The following STX18 variants were observed in gnomAD, a reference collection of about 807,000 sequenced individuals.
The protein encoded by STX18 is syntaxin 18.
STX18 carries 40 observed loss-of-function variants against 50.1 expected under a neutral mutation model. That is an observed-to-expected ratio of 0.80 (90% confidence interval 0.62 to 1.04). The LOEUF is 1.04. Ranked by LOEUF, STX18 falls within the 50% of genes least tolerant of loss-of-function variation. The probability of loss-of-function intolerance (pLI) is 0.00; values close to 1 mark genes in which losing one functional copy is unlikely to be tolerated. For synonymous variants in STX18, 158 were observed against 151.8 expected (o/e 1.04, Z -0.30); for missense variants, 410 against 415.8 (o/e 0.99, Z 0.12).
At chr4:4,447,744 C>T (rs1419338930) in intron 5 of STX18, among the ~76,000 whole-genome samples, 1 of 151,300 alleles carries the variant, frequency 6.6e-6, no homozygotes, top group South Asian at 2.1e-4. Flanking sequence ...ATTACTACAA[C>T]GATTACACTA....
At chr4:4,500,987 A>G (rs1729428048) in intron 1 of STX18, among the ~76,000 whole-genome samples, 1 of 152,322 alleles carries the variant, frequency 6.6e-6, no homozygotes, top group African/African-American at 2.4e-5. Context: ...CAGTGAGCCG[A>G]GATGGCGCCA....
intron 1 of STX18, among the ~76,000 whole-genome samples, chr4:4,539,171 TG>T (rs571981934): frequency 7.9e-5 from 12 of 152,272 alleles, no homozygotes; most frequent in African/African-American, 2.6e-4. Context: ...AGGAATGGAA[TG>T]GAAGAATAGA....
At chr4:4,530,805 C>T (rs114711413) in intron 1 of STX18, among the ~76,000 whole-genome samples, 57 of 152,032 alleles carry the variant, frequency 3.7e-4, no homozygotes, top group African/African-American at 1.4e-3. Context: ...TGAGATTTTG[C>T]CATGTTGCCC....
chr4:4,524,793 G>T (rs1730674239), intron 1 of STX18, among the ~76,000 whole-genome samples: 1 of 152,194 alleles, frequency 6.6e-6, no homozygotes, highest in African/African-American at 2.4e-5. Context: ...GCTAATTTGT[G>T]TTGGATTCTC....
chr4:4,450,523 C>A (rs779960932), intron 5 of STX18, among the ~76,000 whole-genome samples: 4 of 152,108 alleles, frequency 2.6e-5, no homozygotes, highest in Non-Finnish European at 4.4e-5. Context: ...AGGCTGGTCC[C>A]GAACTCCCGG....
chr4:4,534,811 A>G (rs1731256840), intron 1 of STX18, among the ~76,000 whole-genome samples: 1 of 152,276 alleles, frequency 6.6e-6, no homozygotes. Flanking sequence ...CTCTGCTGCT[A>G]CAGCATGAAA....
chr4:4,524,032 C>G (rs1385118545), intron 1 of STX18, among the ~76,000 whole-genome samples: 2 of 152,128 alleles, frequency 1.3e-5, no homozygotes, highest in African/African-American at 4.8e-5. Flanking sequence ...TTATGTGCCT[C>G]TAAGTCTATT....
At chr4:4,505,562 T>C (rs1433391412) in intron 1 of STX18, among the ~76,000 whole-genome samples, 1 of 151,920 alleles carries the variant, frequency 6.6e-6, no homozygotes, top group Non-Finnish European at 1.5e-5. Context: ...GGCGGATCAC[T>C]TGAGGCCAGG....
intron 9 of STX18, among the ~76,000 whole-genome samples, chr4:4,421,386 G>C (rs532738684): frequency 2.8e-4 from 43 of 152,104 alleles, no homozygotes; most frequent in Non-Finnish European, 4.6e-4. Context: ...AAGTAGCTGG[G>C]AGTATAGGCA....
chr4:4,424,696 G>A (rs1389055122), intron 8 of STX18, among the ~76,000 whole-genome samples: 2 of 152,138 alleles, frequency 1.3e-5, no homozygotes, highest in African/African-American at 4.8e-5. Flanking sequence ...AGAGGCTAAC[G>A]GGTGCATGTG....
At chr4:4,440,835 T>C (rs1215480235) in intron 5 of STX18, among the ~76,000 whole-genome samples, 1 of 152,226 alleles carries the variant, frequency 6.6e-6, no homozygotes, top group Non-Finnish European at 1.5e-5. Flanking sequence ...ACTTAGTGCC[T>C]TGAAACAGTG....
chr4:4,525,240 T>C (rs1730696126), intron 1 of STX18, among the ~76,000 whole-genome samples: 1 of 152,206 alleles, frequency 6.6e-6, no homozygotes, highest in South Asian at 2.1e-4. Context: ...ATTTAACTTG[T>C]TGAAGGGTTA....
intron 1 of STX18, among the ~76,000 whole-genome samples, chr4:4,490,138 T>C (rs1728878319): frequency 6.6e-6 from 1 of 152,168 alleles, no homozygotes; most frequent in South Asian, 2.1e-4. Context: ...CAAATACATA[T>C]ACACTTTTAA....
intron 3 of STX18, among the ~76,000 whole-genome samples, chr4:4,458,528 C>T (rs1312534096): frequency 6.6e-6 from 1 of 152,176 alleles, no homozygotes; most frequent in East Asian, 1.9e-4. Context: ...GTGAGCACAA[C>T]AGCATCTGGC....
chr4:4,479,196 C>G (rs1423834187), intron 1 of STX18, among the ~76,000 whole-genome samples: 1 of 152,192 alleles, frequency 6.6e-6, no homozygotes, highest in African/African-American at 2.4e-5. Context: ...ATCCGATTTG[C>G]TTCTCCTAAC....
intron 1 of STX18, among the ~76,000 whole-genome samples, chr4:4,474,456 TTCCCCAGGCCCA>T: frequency 6.6e-6 from 1 of 152,274 alleles, no homozygotes; most frequent in South Asian, 2.1e-4. Flanking sequence ...GTTTTCCAGC[TTCCCCAGGCCCA>T]TCCCCCTGTA....
chr4:4,445,770 T>C (rs1268498225), intron 5 of STX18, among the ~76,000 whole-genome samples: 2 of 152,228 alleles, frequency 1.3e-5, no homozygotes, highest in Non-Finnish European at 2.9e-5. Flanking sequence ...AATTGATCTA[T>C]AAATTCAACA....
rs112185477 is a variant in STX18, at chr4:4,423,099, G to A, written c.831+419C>T. Among the ~76,000 whole-genome samples, 114 of 152,350 alleles carry A rather than the reference G, an allele frequency of 7.5e-4. No homozygotes were observed. In the East Asian group the frequency reaches 9.6e-3, roughly 13 times the overall value. The stretch of plus-strand genomic sequence containing the variant: ...CCTACTGACTGAAAAGCAACTGCCC[G>A]TCAGCATCGTGCTGGATGCTTCTGC... On this transcript the variant is annotated intron_variant, in intron 9 of 10. Coordinates refer to ENST00000306200, the MANE Select transcript of STX18 (RefSeq NM_016930.4).
chr4:4,445,572 T>G (rs1418633930), intron 5 of STX18, among the ~76,000 whole-genome samples: 1 of 151,692 alleles, frequency 6.6e-6, no homozygotes, highest in East Asian at 1.9e-4. Flanking sequence ...ATTAACAAAA[T>G]GGTATCGTTT....
Sources: allele counts gnomAD v4.1 joint callset (sites outside exome capture counted in the v4.1 genomes callset), GRCh38; gene constraint gnomAD v4.1.1; transcripts MANE v1.5; gene names NCBI Gene and HGNC (gene_info 2026-07-23, HGNC 2026-07-21).